RAB28: variants seen among roughly 807,000 people sequenced by gnomAD.
RAB28 encodes ras-related protein Rab-28.
A neutral mutation model predicts 31.7 loss-of-function variants in RAB28; 24 were observed. The ratio of observed to expected loss-of-function variants is 0.76; its 90% confidence interval spans 0.55 to 1.06. The LOEUF (loss-of-function observed/expected upper bound fraction) is 1.06. Among genes scored for constraint, RAB28 ranks in the 50% least tolerant of loss-of-function variants. The pLI, the probability that RAB28 is intolerant of heterozygous loss-of-function variation, is 0.00. For missense variants in RAB28, 254 were observed against 258.5 expected, an observed-to-expected ratio of 0.98 and a Z score of 0.12; for synonymous variants, 100 against 90.4, an observed-to-expected ratio of 1.11 and a Z score of -0.60.
intron 4 of RAB28, among the ~76,000 whole-genome samples, chr4:13,439,328 CTTG>C (rs1560293663): frequency 6.6e-6 from 1 of 151,240 alleles, no homozygotes; most frequent in Admixed American, 6.6e-5. Flanking sequence ...ATTTAAGACA[CTTG>C]TTGTTTTAAT....
chr4:13,395,688 T>G (rs1189753013), intron 4 of RAB28, among the ~76,000 whole-genome samples: 2 of 152,130 alleles, frequency 1.3e-5, no homozygotes, highest in African/African-American at 4.8e-5. Context: ...ATTTTTAAAC[T>G]AGACATATCA....
At chr4:13,453,746 T>A (rs934390183) in intron 4 of RAB28, among the ~76,000 whole-genome samples, 2 of 152,164 alleles carry the variant, frequency 1.3e-5, no homozygotes, top group Non-Finnish European at 2.9e-5. Context: ...CACTACTCTT[T>A]GCTGTTTTTA....
At chr4:13,483,077 G>A (rs894584789) in intron 1 of RAB28, among the ~76,000 whole-genome samples, 1 of 152,122 alleles carries the variant, frequency 6.6e-6, no homozygotes, top group Admixed American at 6.5e-5. Flanking sequence ...AAGTGTTGGC[G>A]CCTTTGACAG....
At chr4:13,464,561 C>A (rs1338837129) in intron 3 of RAB28, among the ~76,000 whole-genome samples, 1 of 151,994 alleles carries the variant, frequency 6.6e-6, no homozygotes, top group Non-Finnish European at 1.5e-5. Context: ...ACTACCAGGG[C>A]ACCAACATCT....
chr4:13,403,264 G>T (rs142293592), intron 4 of RAB28, among the ~76,000 whole-genome samples: 1 of 152,194 alleles, frequency 6.6e-6, no homozygotes, highest in Non-Finnish European at 1.5e-5. Context: ...TACACGTTTT[G>T]TTTACATTTT....
chr4:13,394,987 G>T (rs1729809525), intron 4 of RAB28, among the ~76,000 whole-genome samples: 1 of 152,128 alleles, frequency 6.6e-6, no homozygotes, highest in Admixed American at 6.5e-5. Context: ...CTGAGGTTTA[G>T]AATGACTTAA....
chr4:13,477,419 C>T (rs1409213276), intron 2 of RAB28, among the ~76,000 whole-genome samples: 1 of 151,476 alleles, frequency 6.6e-6, no homozygotes, highest in East Asian at 1.9e-4. Flanking sequence ...AATAAAGCTA[C>T]CTGTAATGTT....
chr4:13,463,066 G>A (rs1284401904), intron 3 of RAB28, among the ~76,000 whole-genome samples: 1 of 152,132 alleles, frequency 6.6e-6, no homozygotes, highest in Non-Finnish European at 1.5e-5. Flanking sequence ...AATAACAAAA[G>A]TACTTATTTT....
In RAB28 at chr4:13,438,240, T is replaced by C. The variant is rs138030397; in HGVS notation, c.391+22459A>G. On this transcript the variant is annotated intron_variant, in intron 4 of 6. Coordinates refer to ENST00000330852, the MANE Select transcript of RAB28 (RefSeq NM_001017979.3). ...ACTATAAACCATATTATTTTTAAAA[T>C]TGTTTAAGGTTATAGTTATAGAATC... Among the ~76,000 whole-genome samples, 1,419 of 152,324 alleles carry C rather than the reference T, an allele frequency of 9.3e-3. 10 individuals carry two copies. The highest frequency in any genetic ancestry group is 0.015 in the Non-Finnish European group (1,032 of 68,004).
intron 4 of RAB28, among the ~76,000 whole-genome samples, chr4:13,407,549 T>C (rs969593472): frequency 2.0e-5 from 3 of 152,336 alleles, no homozygotes; most frequent in Admixed American, 1.3e-4. Flanking sequence ...GTGAAGAAAG[T>C]CAATGGTAGC....
intron 4 of RAB28, among the ~76,000 whole-genome samples, chr4:13,395,707 A>G (rs1389070741): frequency 6.6e-6 from 1 of 152,122 alleles, no homozygotes; most frequent in Non-Finnish European, 1.5e-5. Context: ...CAAATGTATC[A>G]GAGCTACTGA....
At chr4:13,424,268 AG>A (rs895793263) in intron 4 of RAB28, among the ~76,000 whole-genome samples, 3 of 152,204 alleles carry the variant, frequency 2.0e-5, no homozygotes, top group Admixed American at 2.0e-4. Flanking sequence ...AGATGTTGAC[AG>A]GGCCAAGTGC....
intron 4 of RAB28, among the ~76,000 whole-genome samples, chr4:13,424,171 A>G (rs1185529078): frequency 6.6e-6 from 1 of 152,198 alleles, no homozygotes; most frequent in Non-Finnish European, 1.5e-5. Context: ...TCAGTTCAAG[A>G]CTATATTTCG....
At chr4:13,483,253 G>A (rs887304979) in intron 1 of RAB28, among the ~76,000 whole-genome samples, 1 of 152,138 alleles carries the variant, frequency 6.6e-6, no homozygotes, top group Non-Finnish European at 1.5e-5. Context: ...CCCTGCCTAG[G>A]AGATAATAAG....
intron 4 of RAB28, among the ~76,000 whole-genome samples, chr4:13,446,150 G>A (rs1714683261): frequency 6.6e-6 from 1 of 152,110 alleles, no homozygotes; most frequent in Admixed American, 6.5e-5. Context: ...TCAAACCTCC[G>A]AGTCTCCTTA....
intron 5 of RAB28, among the ~76,000 whole-genome samples, chr4:13,378,059 G>A (rs1251407410): frequency 6.6e-6 from 1 of 152,150 alleles, no homozygotes; most frequent in East Asian, 1.9e-4. Context: ...CGGGCAGTTG[G>A]ATATAAGAGT....
Position 13,376,580 on chromosome 4 carries a change from T to C in RAB28, c.538A>G (p.Ile180Val). Reference sequence around the variant, plus strand: ...TCTATTTCTGCTTTGTTTAATTTGATCCCAAGGATTTCAGCAGCAACTTTC... The same window carrying C: ...TCTATTTCTGCTTTGTTTAATTTGACCCCAAGGATTTCAGCAGCAACTTTC... ...FQKVAAEILGIKLNKAEIEQS... is the reference protein window; with the variant it reads ...FQKVAAEILGVKLNKAEIEQS... The change falls in exon 6 of 7, where the codon ATC (isoleucine) becomes GTC (valine). Residue 180 changes from isoleucine (I) to valine (V), a missense_variant. Coordinates refer to ENST00000330852, the MANE Select transcript of RAB28 (RefSeq NM_001017979.3). The C allele has an allele frequency of 6.2e-7, 1 of 1,604,064 alleles. No individual in the cohort carries two copies.
chr4:13,402,518 CTTGT>C (rs1456713924), intron 4 of RAB28, among the ~76,000 whole-genome samples: 1 of 152,126 alleles, frequency 6.6e-6, no homozygotes, highest in East Asian at 1.9e-4. Flanking sequence ...TACAAAATTC[CTTGT>C]TTCTCATGTT....
At chr4:13,470,551 A>T (rs1213933096) in intron 3 of RAB28, among the ~76,000 whole-genome samples, 1 of 152,030 alleles carries the variant, frequency 6.6e-6, no homozygotes. Flanking sequence ...GTTTATGCTC[A>T]GTGGGTCAGT....
Sources: gnomAD v4.1 joint callset for allele counts (sites outside exome capture counted in the v4.1 genomes callset) on GRCh38, gnomAD v4.1.1 for gene constraint, MANE v1.5 for transcripts, NCBI Gene and HGNC (gene_info 2026-07-23, HGNC 2026-07-21) for gene names.